The following PDE7B variants were observed in gnomAD, a reference collection of about 807,000 sequenced individuals.
PDE7B encodes the protein phosphodiesterase 7B, also known as 3',5'-cyclic-AMP phosphodiesterase 7B.
In PDE7B, 29 loss-of-function variants were observed where a neutral mutation model predicts 56.2. That is an observed-to-expected ratio of 0.52 (90% CI 0.38 to 0.70). The LOEUF (loss-of-function observed/expected upper bound fraction) is 0.70, where lower values mean the gene tolerates loss of function less well. Ranked by LOEUF, PDE7B falls within the 30% of genes least tolerant of loss-of-function variation. The pLI, the probability that PDE7B is intolerant of heterozygous loss-of-function variation, is 0.00. For synonymous variants in PDE7B, 197 were observed against 196.9 expected (o/e 1.00, Z 0.00); for missense variants, 490 against 565.0 (o/e 0.87, Z 1.35).
intron 1 of PDE7B, among the ~76,000 whole-genome samples, chr6:135,896,956 C>T (rs1417517212): frequency 6.6e-6 from 1 of 152,094 alleles, no homozygotes; most frequent in African/African-American, 2.4e-5. Context: ...ATACCACTCT[C>T]CAATCAAGCT....
At chr6:136,139,675 G>A (rs1305135739) in intron 3 of PDE7B, among the ~76,000 whole-genome samples, 1 of 152,196 alleles carries the variant, frequency 6.6e-6, no homozygotes, top group African/African-American at 2.4e-5. Context: ...ACTGGTGTGA[G>A]ATGGTATCTC....
intron 2 of PDE7B, chr6:136,038,051 T>C: frequency 7.5e-7 from 1 of 1,334,920 alleles, no homozygotes; most frequent in Non-Finnish European, 9.9e-7. Flanking sequence ...TGAATCGCTC[T>C]CGTCGGCAGT....
chr6:136,130,396 C>T lies in PDE7B; in HGVS notation c.167-16955C>T, dbSNP rs1251338311. ...CCTGACCACACCCCCTACATATATA[C>T]CAGGTGCCATCTTGCCTCTATGCCA... On this transcript the variant is annotated intron_variant, in intron 3 of 12. Transcript: ENST00000308191. 4.6e-5 allele frequency among the ~76,000 whole-genome samples: 7 copies of T among 152,270 alleles called. No individual in the cohort carries two copies. In the East Asian group the frequency reaches 1.4e-3, roughly 29 times the overall value.
At chr6:136,123,115 C>T (rs972588521) in intron 3 of PDE7B, among the ~76,000 whole-genome samples, 5 of 152,188 alleles carry the variant, frequency 3.3e-5, no homozygotes, top group Non-Finnish European at 7.3e-5. Context: ...CTTTGGGAGG[C>T]TGAAGCAAGA....
At position 136,193,185 on chromosome 6, in the gene PDE7B, C is replaced by T. The variant is rs1324140623; in HGVS notation, c.*1345C>T. The T allele has an allele frequency of 1.3e-5, 2 of 152,634 alleles. No individual in the cohort carries two copies. The highest frequency in any genetic ancestry group is 2.4e-5 in the African/African-American group (1 of 41,456). The allele number at this position is 152,634 out of a possible 1,614,324, so 9.5% of individuals were successfully genotyped here. A position where few individuals can be genotyped will look rare whatever the true frequency, so the allele number is the denominator to read the frequency against. Reference sequence around the variant, plus strand: ...TCTCAGAAACCTTCTATGACCCTGTCATCTAACCATCAGGGAATTCCCTGC... The same window carrying T: ...TCTCAGAAACCTTCTATGACCCTGTTATCTAACCATCAGGGAATTCCCTGC... On this transcript the variant is annotated 3_prime_UTR_variant, in exon 13 of 13. Transcript: ENST00000308191.
intron 12 of PDE7B, among the ~76,000 whole-genome samples, chr6:136,189,930 T>TA (rs1355575244): frequency 6.6e-6 from 1 of 152,242 alleles, no homozygotes; most frequent in Non-Finnish European, 1.5e-5. Flanking sequence ...AAGAAGTCTT[T>TA]ATATCTGAAA....
At chr6:136,185,458 A>G (rs1223972137) in intron 11 of PDE7B, among the ~76,000 whole-genome samples, 1 of 152,154 alleles carries the variant, frequency 6.6e-6, no homozygotes, top group African/African-American at 2.4e-5. Flanking sequence ...TATTTGGATT[A>G]AATTAATTAA....
intron 2 of PDE7B, among the ~76,000 whole-genome samples, chr6:136,082,310 G>A (rs1411030316): frequency 6.6e-6 from 1 of 152,156 alleles, no homozygotes; most frequent in African/African-American, 2.4e-5. Context: ...ATACGTTGCT[G>A]CAGTTACGGC....
chr6:136,003,421 A>C (rs1775711639), intron 2 of PDE7B, among the ~76,000 whole-genome samples: 1 of 152,156 alleles, frequency 6.6e-6, no homozygotes, highest in South Asian at 2.1e-4. Context: ...AAGCTGGTTT[A>C]TTGAAAGGAT....
intron 2 of PDE7B, among the ~76,000 whole-genome samples, chr6:135,986,770 A>G (rs532953038): frequency 1.2e-4 from 19 of 152,368 alleles, no homozygotes; most frequent in African/African-American, 4.6e-4. Flanking sequence ...TTTTATGATT[A>G]GGATAAGTCC....
At chr6:136,031,636 G>A (rs1776247975) in intron 2 of PDE7B, among the ~76,000 whole-genome samples, 3 of 150,112 alleles carry the variant, frequency 2.0e-5, no homozygotes, top group Admixed American at 2.0e-4. Context: ...CTACTTGGGA[G>A]GCTGAGGCAG....
chr6:135,986,188 T>C (rs1035327306), intron 2 of PDE7B, among the ~76,000 whole-genome samples: 1 of 152,208 alleles, frequency 6.6e-6, no homozygotes, highest in Non-Finnish European at 1.5e-5. Flanking sequence ...GGCTCATTGA[T>C]AGTGAGTGTG....
At chr6:136,026,594 A>C (rs950901465) in intron 2 of PDE7B, among the ~76,000 whole-genome samples, 3 of 152,242 alleles carry the variant, frequency 2.0e-5, no homozygotes, top group Non-Finnish European at 4.4e-5. Flanking sequence ...TCCCAACCAC[A>C]CAGGCAGTAC....
intron 2 of PDE7B, among the ~76,000 whole-genome samples, chr6:136,014,414 T>C (rs1351484484): frequency 6.6e-6 from 1 of 152,220 alleles, no homozygotes; most frequent in East Asian, 1.9e-4. Context: ...ATTCCACTCA[T>C]TTTAAAGTTA....
intron 1 of PDE7B, among the ~76,000 whole-genome samples, chr6:135,892,112 C>T (rs567298322): frequency 6.6e-6 from 1 of 152,292 alleles, no homozygotes; most frequent in East Asian, 1.9e-4. Context: ...TGAGTGAACA[C>T]ACTGAATTTT....
intron 1 of PDE7B, among the ~76,000 whole-genome samples, chr6:135,935,650 G>T (rs1774408198): frequency 6.6e-6 from 1 of 152,150 alleles, no homozygotes; most frequent in South Asian, 2.1e-4. Flanking sequence ...CCTTGAAGAG[G>T]TGTCTTTCAA....
At chr6:136,129,650 G>C (rs1485935958) in intron 3 of PDE7B, among the ~76,000 whole-genome samples, 1 of 152,198 alleles carries the variant, frequency 6.6e-6, no homozygotes, top group African/African-American at 2.4e-5. Context: ...CTGAGCCAAA[G>C]TAAACCCTCA....
chr6:136,026,891 C>G (rs539519670), intron 2 of PDE7B, among the ~76,000 whole-genome samples: 1 of 152,272 alleles, frequency 6.6e-6, no homozygotes, highest in South Asian at 2.1e-4. Context: ...CTGAATGTGT[C>G]CCTTCAAAAT....
At chr6:136,095,503 C>T (rs904895347) in intron 2 of PDE7B, among the ~76,000 whole-genome samples, 23 of 152,172 alleles carry the variant, frequency 1.5e-4, no homozygotes, top group Non-Finnish European at 2.5e-4. Context: ...AACAGAGGAT[C>T]GGATGAGGCC....
Sources: allele counts gnomAD v4.1 joint callset (sites outside exome capture counted in the v4.1 genomes callset), GRCh38; gene constraint gnomAD v4.1.1; transcripts MANE v1.5; gene names NCBI Gene and HGNC (gene_info 2026-07-23, HGNC 2026-07-21).